The following YPEL2 variants were observed in gnomAD, a reference collection of about 807,000 sequenced individuals.
YPEL2 encodes the protein protein yippee-like 2.
Under a neutral mutation model 19.1 loss-of-function variants are expected in YPEL2, and 2 were observed. That is an observed-to-expected ratio of 0.10 (90% confidence interval 0.04 to 0.33). The LOEUF (loss-of-function observed/expected upper bound fraction) is 0.33, where lower values mean the gene tolerates loss of function less well. YPEL2 is among the 10% of genes least tolerant of loss of function. The probability of loss-of-function intolerance (pLI) is 1.00; values close to 1 mark genes in which losing one functional copy is unlikely to be tolerated. For synonymous variants in YPEL2, 52 were observed against 50.0 expected, an observed-to-expected ratio of 1.04 and a Z score of -0.17; for missense variants, 66 against 140.7, an observed-to-expected ratio of 0.47 and a Z score of 2.68.
chr17:59,394,082 A>C (rs1031713551), intron 4 of YPEL2, among the ~76,000 whole-genome samples: 60 of 147,542 alleles, frequency 4.1e-4, no homozygotes, highest in Non-Finnish European at 7.7e-4. Flanking sequence ...ACTTCCCAGT[A>C]GGGGCGGCCG....
chr17:59,375,097 G>A (rs2047914198), intron 2 of YPEL2, among the ~76,000 whole-genome samples: 1 of 152,176 alleles, frequency 6.6e-6, no homozygotes, highest in Non-Finnish European at 1.5e-5. Context: ...TCCTCTGGAG[G>A]TAGTGAGTTC....
chr17:59,394,538 G>T (rs942450473), intron 4 of YPEL2, among the ~76,000 whole-genome samples: 1 of 148,910 alleles, frequency 6.7e-6, no homozygotes, highest in African/African-American at 2.5e-5. Flanking sequence ...ATGGGCGGCC[G>T]GGCAGAGACG....
At chr17:59,390,317 TAATA>T (rs2048001436) in intron 4 of YPEL2, among the ~76,000 whole-genome samples, 1 of 152,142 alleles carries the variant, frequency 6.6e-6, no homozygotes, top group Non-Finnish European at 1.5e-5. Flanking sequence ...ATTTATTTCT[TAATA>T]AATAGAGACA....
At chr17:59,380,552 G>C (rs2047944100) in intron 2 of YPEL2, among the ~76,000 whole-genome samples, 1 of 152,200 alleles carries the variant, frequency 6.6e-6, no homozygotes, top group Non-Finnish European at 1.5e-5. Context: ...TTACAAGCAT[G>C]AGCCACCACG....
At chr17:59,371,184 G>C (rs2047895397) in intron 2 of YPEL2, among the ~76,000 whole-genome samples, 1 of 152,214 alleles carries the variant, frequency 6.6e-6, no homozygotes. Flanking sequence ...CCATGGCCAA[G>C]GTGCCCTTTC....
intron 1 of YPEL2, among the ~76,000 whole-genome samples, chr17:59,335,331 A>G (rs577938825): frequency 1.7e-4 from 26 of 152,200 alleles, no homozygotes; most frequent in African/African-American, 4.6e-4. Flanking sequence ...ATGGCTTCCC[A>G]TTGCCCTTCA....
rs2047698539 is a variant in YPEL2, at chr17:59,336,329, T to A, written c.-196+4505T>A. Among the ~76,000 whole-genome samples the A allele has an allele frequency of 1.3e-5, 2 of 152,242 alleles. 1 individual carries two copies. Among genetic ancestry groups the A allele is most frequent in the South Asian group, 4.1e-4 (2 of 4,836 alleles). ...CAAAAGCTCCATTGTTATTTTGTTGTCATTAATAATAAACAACTCTTACCT... is the reference window on the plus strand; with the variant it reads ...CAAAAGCTCCATTGTTATTTTGTTGACATTAATAATAAACAACTCTTACCT... On this transcript the variant is annotated intron_variant, in intron 1 of 4. Coordinates refer to ENST00000312655, the MANE Select transcript of YPEL2 (RefSeq NM_001005404.4).
chr17:59,393,468 CTT>C (rs573966045), intron 4 of YPEL2, among the ~76,000 whole-genome samples: 1 of 146,630 alleles, frequency 6.8e-6, no homozygotes, highest in Non-Finnish European at 1.5e-5. Context: ...AACTCATTTT[CTT>C]TTTTTTTATT....
At chr17:59,340,577 G>A (rs546829889) in intron 1 of YPEL2, among the ~76,000 whole-genome samples, 2 of 151,708 alleles carry the variant, frequency 1.3e-5, no homozygotes, top group South Asian at 2.1e-4. Flanking sequence ...CACCTCGCTC[G>A]GCTAATTTTT....
intron 1 of YPEL2, among the ~76,000 whole-genome samples, chr17:59,352,542 A>T (rs566359123): frequency 4.6e-5 from 7 of 152,228 alleles, no homozygotes; most frequent in African/African-American, 1.7e-4. Context: ...TATGCCATTG[A>T]TTTCATTCAT....
rs548347096 is a variant in YPEL2, at chr17:59,349,325, C to A, written c.-195-3890C>A. On this transcript the variant is annotated intron_variant, in intron 1 of 4. Transcript: ENST00000312655. ...AGCTTGTTCCTCTCATGCAGCCTGC[C>A]CTCCCCTTTCTCAGCCCACAGGCCT... 4.0e-5 allele frequency among the ~76,000 whole-genome samples: 6 copies of A among 151,162 alleles called. No individual in the cohort carries two copies. The East Asian group carries it at 9.7e-4, about 24-fold the overall frequency.
intron 2 of YPEL2, among the ~76,000 whole-genome samples, chr17:59,379,637 T>C (rs2047938731): frequency 6.6e-6 from 1 of 152,188 alleles, no homozygotes; most frequent in African/African-American, 2.4e-5. Context: ...GTGTGTGATT[T>C]CTTTTTGGAG....
chr17:59,400,869 G>C lies in YPEL2; in HGVS notation c.*3679G>C, dbSNP rs2048067618. On this transcript the variant is annotated 3_prime_UTR_variant, in exon 5 of 5. Transcript: ENST00000312655. Reference sequence around the variant, plus strand: ...CTTCTCTTTCTCTCTGGTTGTTTCTGTTTCTGAGTGGACCAACAGCAGAAC... The same window carrying C: ...CTTCTCTTTCTCTCTGGTTGTTTCTCTTTCTGAGTGGACCAACAGCAGAAC... 6.6e-6 allele frequency: 1 copy of C among 152,604 alleles called. No homozygotes were observed. The highest frequency in any genetic ancestry group is 1.5e-5 in the Non-Finnish European group (1 of 68,026). 9.5% of individuals were successfully genotyped at this position (152,604 alleles called of 1,614,324 possible).
At chr17:59,358,919 CCTTTTTCT>C (rs1221255739) in intron 2 of YPEL2, among the ~76,000 whole-genome samples, 1 of 119,470 alleles carries the variant, frequency 8.4e-6, no homozygotes, top group Non-Finnish European at 1.7e-5. Flanking sequence ...TTTTTTTTTT[CCTTTTTCT>C]TTTTTTTTTT....
At chr17:59,350,784 ATT>A (rs2047783801) in intron 1 of YPEL2, among the ~76,000 whole-genome samples, 1 of 152,140 alleles carries the variant, frequency 6.6e-6, no homozygotes, top group Admixed American at 6.5e-5. Flanking sequence ...GAAATGTATA[ATT>A]TAGAAGCTGT....
chr17:59,376,670 C>T (rs942665752), intron 2 of YPEL2, among the ~76,000 whole-genome samples: 1 of 152,014 alleles, frequency 6.6e-6, no homozygotes, highest in Admixed American at 6.6e-5. Flanking sequence ...TGAATCCTGC[C>T]CTAGTACATG....
intron 2 of YPEL2, among the ~76,000 whole-genome samples, chr17:59,358,879 A>T (rs1471530034): frequency 6.8e-6 from 1 of 146,050 alleles, no homozygotes; most frequent in Non-Finnish European, 1.5e-5. Flanking sequence ...AAGTGCTGGG[A>T]TTACAGGCGT....
At chr17:59,341,968 T>A (rs1388347126) in intron 1 of YPEL2, among the ~76,000 whole-genome samples, 1 of 152,168 alleles carries the variant, frequency 6.6e-6, no homozygotes, top group Admixed American at 6.5e-5. Context: ...GATGGCTGGG[T>A]CTTTAGACAT....
chr17:59,399,629 C>T lies in YPEL2; in HGVS notation c.*2439C>T, dbSNP rs2048059851. 6.6e-6 allele frequency: 1 copy of T among 151,958 alleles called. No individual in the cohort carries two copies. The highest frequency in any genetic ancestry group is 1.5e-5 in the Non-Finnish European group (1 of 67,920). 9.4% of individuals were successfully genotyped at this position (151,958 alleles called of 1,614,324 possible). ...TAGAGTGTTGGTTTTTCCATAACTA[C>T]AGGGGGAAAAAAAGTCATTAGGCTT... On this transcript the variant is annotated 3_prime_UTR_variant, in exon 5 of 5. Coordinates refer to ENST00000312655, the MANE Select transcript of YPEL2 (RefSeq NM_001005404.4).
Sources: gnomAD v4.1 joint callset for allele counts (sites outside exome capture counted in the v4.1 genomes callset) on GRCh38, gnomAD v4.1.1 for gene constraint, MANE v1.5 for transcripts, NCBI Gene and HGNC (gene_info 2026-07-23, HGNC 2026-07-21) for gene names.